MCPH1: variants seen among roughly 807,000 people sequenced by gnomAD.
MCPH1 encodes the protein microcephalin 1.
A neutral mutation model predicts 84.5 loss-of-function variants in MCPH1; 104 were observed. The observed-to-expected ratio is 1.23, with a 90% confidence interval of 1.05 to 1.45. MCPH1 has a LOEUF of 1.45. Ranked by LOEUF, MCPH1 falls within the 40% of genes most tolerant of loss-of-function variation. The pLI is 0.00. For missense variants in MCPH1, 1,498 were observed against 1,005.7 expected (o/e 1.49, Z -6.62); for synonymous variants, 514 against 366.8 (o/e 1.40, Z -4.58).
At chr8:6,409,831 C>G (rs1798287509) in intron 2 of MCPH1, among the ~76,000 whole-genome samples, 1 of 152,076 alleles carries the variant, frequency 6.6e-6, no homozygotes, top group South Asian at 2.1e-4. Context: ...CGTCCCATGT[C>G]AGGCATGGTT....
chr8:6,499,086 A>T (rs1273852357), intron 11 of MCPH1, among the ~76,000 whole-genome samples: 2 of 128,470 alleles, frequency 1.6e-5, no homozygotes, highest in Non-Finnish European at 3.5e-5. Flanking sequence ...AAATAAATAA[A>T]TAAATAAATA....
In MCPH1 at chr8:6,645,720, T is replaced by A. The variant is rs1034829431; in HGVS notation, c.*2671T>A. Reference sequence around the variant, plus strand: ...ATATACAAACCTAACAGAATTGTATTTATATATACTGTCAATAAGCAATTC... The same window carrying A: ...ATATACAAACCTAACAGAATTGTATATATATATACTGTCAATAAGCAATTC... On this transcript the variant is annotated 3_prime_UTR_variant, in exon 14 of 14. Coordinates refer to ENST00000344683, the MANE Select transcript of MCPH1 (RefSeq NM_024596.5). 1 of 151,918 alleles carries A rather than the reference T, an allele frequency of 6.6e-6. No individual in the cohort carries two copies. The highest frequency in any genetic ancestry group is 1.5e-5 in the Non-Finnish European group (1 of 67,986). The allele number at this position is 151,918 out of a possible 1,614,324, so 9.4% of individuals were successfully genotyped here. A position where few individuals can be genotyped will look rare whatever the true frequency, so the allele number is the denominator to read the frequency against.
At chr8:6,445,621 C>T (rs1215032814) in intron 8 of MCPH1, 74 bp downstream of exon 8, 1 of 1,508,218 alleles carries the variant, frequency 6.6e-7, no homozygotes, top group South Asian at 1.4e-5. Context: ...TTAAATTTAT[C>T]ACAACTTTTT....
At chr8:6,497,884 T>A (rs937012429) in intron 11 of MCPH1, among the ~76,000 whole-genome samples, 7 of 152,222 alleles carry the variant, frequency 4.6e-5, no homozygotes, top group African/African-American at 1.7e-4. Flanking sequence ...AGTTGAACAC[T>A]TAAGGTTTTT....
intron 1 of MCPH1, among the ~76,000 whole-genome samples, chr8:6,407,484 C>T (rs1442510878): frequency 6.6e-6 from 1 of 152,074 alleles, no homozygotes; most frequent in Non-Finnish European, 1.5e-5. Flanking sequence ...GCAGTCCCAC[C>T]CTCTGTGCAC....
At chr8:6,627,114 C>A (rs2278147) in intron 13 of MCPH1, 273,520 of 984,784 alleles carry the variant, frequency 0.28, 38,939 homozygotes, top group Non-Finnish European at 0.29. Flanking sequence ...TCATGCTGGC[C>A]TGGCTCATTC....
In MCPH1 at chr8:6,428,037, C is replaced by G. The variant is rs2916766; in HGVS notation, c.234-3462C>G. On this transcript the variant is annotated intron_variant, in intron 3 of 13. Transcript: ENST00000344683. ...TGAACCACTGACCTCCCGCCTCAAC[C>G]TCCCAAAGTGCTGAGATTACAGGTG... 8.2e-3 allele frequency among the ~76,000 whole-genome samples: 1,252 copies of G among 152,184 alleles called. 24 individuals are homozygous for G. The highest frequency in any genetic ancestry group is 0.028 in the African/African-American group (1,183 of 41,538).
At chr8:6,442,367 A>G (rs1203055988) in intron 7 of MCPH1, among the ~76,000 whole-genome samples, 3 of 151,990 alleles carry the variant, frequency 2.0e-5, no homozygotes, top group African/African-American at 7.2e-5. Context: ...TTTCCTAGGC[A>G]TTTGCTTTCT....
chr8:6,476,266 T>A (rs1420415806), intron 9 of MCPH1, among the ~76,000 whole-genome samples: 1 of 151,804 alleles, frequency 6.6e-6, no homozygotes, highest in Non-Finnish European at 1.5e-5. Flanking sequence ...CTGTCTCTAC[T>A]AGAAATACAA....
At chr8:6,601,829 G>C (rs1337670696) in intron 12 of MCPH1, among the ~76,000 whole-genome samples, 1 of 146,492 alleles carries the variant, frequency 6.8e-6, no homozygotes, top group Non-Finnish European at 1.5e-5. Context: ...ATTATCTAAA[G>C]GAGAAGCTTT....
At chr8:6,532,488 C>G in intron 12 of MCPH1, 3 of 1,609,130 alleles carry the variant, frequency 1.9e-6, no homozygotes, top group African/African-American at 2.7e-5. Flanking sequence ...AATTCTCAAG[C>G]TAGAAAAGAA....
chr8:6,409,461 T>G, intron 2 of MCPH1, 91 bp downstream of exon 2: 3 of 1,089,662 alleles, frequency 2.8e-6, no homozygotes, highest in South Asian at 1.3e-5. Flanking sequence ...GAGTTTTTAC[T>G]TAGAATCTGG....
intron 6 of MCPH1, 97 bp from the exon 7 acceptor site, chr8:6,441,970 A>G: frequency 2.5e-6 from 2 of 814,198 alleles, no homozygotes; most frequent in South Asian, 2.8e-5. Context: ...AGGATTTAAT[A>G]GAATCACCTA....
At chr8:6,594,427 C>G (rs1168677432) in intron 12 of MCPH1, among the ~76,000 whole-genome samples, 1 of 152,162 alleles carries the variant, frequency 6.6e-6, no homozygotes. Context: ...TTGGAGCATG[C>G]TAATCTTTCC....
Position 6,416,227 on chromosome 8 carries a change from T to C in MCPH1, c.233+1344T>C, listed in dbSNP as rs571500149. Among the ~76,000 whole-genome samples the C allele has an allele frequency of 4.3e-4, 66 of 152,356 alleles. No homozygotes were observed. In the South Asian group the frequency reaches 0.013, roughly 31 times the overall value. On this transcript the variant is annotated intron_variant, in intron 3 of 13. Transcript: ENST00000344683. Reference sequence around the variant, plus strand: ...TTCTATATGCAATGTTGTGTAATTTTGTAAATAGAGATAGATTTACTTCTT... The same window carrying C: ...TTCTATATGCAATGTTGTGTAATTTCGTAAATAGAGATAGATTTACTTCTT...
chr8:6,494,409 T>C (rs1265415065), intron 11 of MCPH1: 1 of 152,214 alleles, frequency 6.6e-6, no homozygotes, highest in East Asian at 1.9e-4. Flanking sequence ...GATTAATGGA[T>C]AAGGCAGTGG....
chr8:6,510,442 A>G (rs1814814828), intron 12 of MCPH1, among the ~76,000 whole-genome samples: 1 of 152,214 alleles, frequency 6.6e-6, no homozygotes, highest in Non-Finnish European at 1.5e-5. Context: ...CCACATTGGA[A>G]TAATATAATT....
intron 12 of MCPH1, among the ~76,000 whole-genome samples, chr8:6,578,815 TG>T (rs1264618480): frequency 6.6e-6 from 1 of 152,174 alleles, no homozygotes; most frequent in African/African-American, 2.4e-5. Flanking sequence ...GACTCGCACG[TG>T]GTTCTCCACA....
chr8:6,454,391 T>C (rs1421059286), intron 8 of MCPH1, among the ~76,000 whole-genome samples: 1 of 152,194 alleles, frequency 6.6e-6, no homozygotes, highest in Non-Finnish European at 1.5e-5. Context: ...CATTATACCA[T>C]TGAGACCATG....
Sources: allele counts gnomAD v4.1 joint callset (sites outside exome capture counted in the v4.1 genomes callset), GRCh38; gene constraint gnomAD v4.1.1; transcripts MANE v1.5; gene names NCBI Gene and HGNC (gene_info 2026-07-23, HGNC 2026-07-21).